The following DNAH11 variants were observed in gnomAD, a reference collection of about 807,000 sequenced individuals.
DNAH11 encodes axonemal beta dynein heavy chain 11.
DNAH11 carries 442 observed loss-of-function variants against 526.0 expected under a neutral mutation model. That is an observed-to-expected ratio of 0.84 (90% CI 0.78 to 0.91). The LOEUF is 0.91. DNAH11 is among the 40% of genes least tolerant of loss of function. The pLI, the probability that DNAH11 is intolerant of heterozygous loss-of-function variation, is 0.00. For missense variants in DNAH11, 6,989 were observed against 5,448.7 expected (o/e 1.28, Z -8.90); for synonymous variants, 2,461 against 1,935.9 (o/e 1.27, Z -7.12).
Position 21,572,948 on chromosome 7 carries a change from T to C in DNAH11, c.1593+975T>C, listed in dbSNP as rs947514647. Reference sequence around the variant, plus strand: ...TGCCTGGCACTTGGAAGGCATTCAATAAATACGTACAGAATGGGATTCTTA... The same window carrying C: ...TGCCTGGCACTTGGAAGGCATTCAACAAATACGTACAGAATGGGATTCTTA... On this transcript the variant is annotated intron_variant, in intron 8 of 81. Coordinates refer to ENST00000409508, the MANE Select transcript of DNAH11 (RefSeq NM_001277115.2). Among the ~76,000 whole-genome samples the C allele has an allele frequency of 2.6e-5, 4 of 152,174 alleles. No individual in the cohort carries two copies. The South Asian group carries it at 6.2e-4, about 24-fold the overall frequency.
chr7:21,639,861 T>C (rs1370661651), intron 28 of DNAH11, among the ~76,000 whole-genome samples: 1 of 147,836 alleles, frequency 6.8e-6, no homozygotes, highest in Non-Finnish European at 1.5e-5. Context: ...TGTGGAGTTT[T>C]CTCCATGTTT....
At position 21,698,528 on chromosome 7, in the gene DNAH11, C is replaced by G. The variant is rs144341897; in HGVS notation, c.6180+315C>G. The stretch of plus-strand genomic sequence containing the variant: ...TATATCATTCTTATGCCTTTGCATC[C>G]TCATAGCTTAGCTCCCACTTATAAG... On this transcript the variant is annotated intron_variant, in intron 36 of 81. Coordinates refer to ENST00000409508, the MANE Select transcript of DNAH11 (RefSeq NM_001277115.2). Among the ~76,000 whole-genome samples the G allele has an allele frequency of 5.1e-3, 769 of 152,228 alleles. 5 individuals carry two copies. The highest frequency in any genetic ancestry group is 0.018 in the African/African-American group (729 of 41,544).
Position 21,590,431 on chromosome 7 carries a change from G to C in DNAH11, c.2170-487G>C, listed in dbSNP as rs115134658. On this transcript the variant is annotated intron_variant, in intron 12 of 81. Coordinates refer to ENST00000409508, the MANE Select transcript of DNAH11 (RefSeq NM_001277115.2). The stretch of plus-strand genomic sequence containing the variant: ...CCTTAAACATCTAGCTGAATTTTTA[G>C]GGGATGAAGATTATACATTCACTAT... 8.5e-3 allele frequency among the ~76,000 whole-genome samples: 1,292 copies of C among 152,230 alleles called. 13 individuals are homozygous for C. The highest frequency in any genetic ancestry group is 0.029 in the African/African-American group (1,194 of 41,538).
intron 5 of DNAH11, among the ~76,000 whole-genome samples, chr7:21,562,238 C>T (rs1459091385): frequency 6.6e-6 from 1 of 152,138 alleles, no homozygotes; most frequent in Non-Finnish European, 1.5e-5. Context: ...GGCCATCTTA[C>T]ATATTGTAGG....
At chr7:21,862,549 A>T (rs942066419) in intron 69 of DNAH11, among the ~76,000 whole-genome samples, 1 of 152,214 alleles carries the variant, frequency 6.6e-6, no homozygotes, top group Non-Finnish European at 1.5e-5. Context: ...TAAGTATGTG[A>T]GGAGATGGAT....
intron 28 of DNAH11, among the ~76,000 whole-genome samples, chr7:21,650,954 T>A (rs2030673): frequency 0.57 from 84,060 of 148,718 alleles, 23,908 homozygotes; most frequent in Admixed American, 0.68. Flanking sequence ...ACTGTTATTT[T>A]AAAAAAAAAA....
intron 5 of DNAH11, among the ~76,000 whole-genome samples, chr7:21,562,329 A>G (rs950375479): frequency 5.3e-5 from 8 of 152,170 alleles, no homozygotes; most frequent in African/African-American, 1.7e-4. Context: ...ACATGGCCAA[A>G]TGTCCCCTGG....
At chr7:21,738,538 G>T (rs1327775257) in intron 46 of DNAH11, among the ~76,000 whole-genome samples, 163 bp from the exon 47 acceptor site, 5 of 152,196 alleles carry the variant, frequency 3.3e-5, no homozygotes, top group African/African-American at 4.8e-5. Flanking sequence ...GACACAAAAG[G>T]AGGGGCCAGA....
intron 61 of DNAH11, among the ~76,000 whole-genome samples, chr7:21,791,037 C>T (rs1253979309): frequency 6.6e-6 from 1 of 152,134 alleles, no homozygotes; most frequent in Non-Finnish European, 1.5e-5. Flanking sequence ...TCAGCTCAGG[C>T]AGGAGCAGTC....
chr7:21,629,769 G>A (rs985855470), intron 25 of DNAH11, among the ~76,000 whole-genome samples: 3 of 151,860 alleles, frequency 2.0e-5, no homozygotes, highest in Non-Finnish European at 4.4e-5. Context: ...TAGTTGCATG[G>A]TATATCATTT....
chr7:21,649,236 A>G (rs1787512294), intron 28 of DNAH11, among the ~76,000 whole-genome samples: 1 of 152,208 alleles, frequency 6.6e-6, no homozygotes, highest in Non-Finnish European at 1.5e-5. Context: ...GTTTAACAGC[A>G]TTTTCTAAAT....
At position 21,717,778 on chromosome 7, in the gene DNAH11, T is replaced by C. The variant is rs761146773; in HGVS notation, c.6987T>C (p.Tyr2329=). The change falls in exon 43 of 82, where the codon TAT becomes TAC. Residue 2329 remains tyrosine (Y), a synonymous_variant. Coordinates refer to ENST00000409508, the MANE Select transcript of DNAH11 (RefSeq NM_001277115.2). Reference sequence around the variant, plus strand: ...GCTTTTCTGTGTTCCTTTTCAGGTATGTGGCCAGTTGGATAGACAGAAGGC... The same window carrying C: ...GCTTTTCTGTGTTCCTTTTCAGGTACGTGGCCAGTTGGATAGACAGAAGGC... The part of the protein sequence containing the change: ...VNPQDLGWNP[Y]VASWIDRRRH... 2.5e-6 allele frequency: 4 copies of C among 1,613,642 alleles called. No individual in the cohort carries two copies. Among genetic ancestry groups the C allele is most frequent in the African/African-American group, 1.3e-5 (1 of 74,908 alleles).
At chr7:21,815,829 G>T (rs967161435) in intron 63 of DNAH11, among the ~76,000 whole-genome samples, 1 of 152,036 alleles carries the variant, frequency 6.6e-6, no homozygotes, top group African/African-American at 2.4e-5. Flanking sequence ...TCTTTAAAAT[G>T]GATTGCTCTC....
At chr7:21,568,125 C>T (rs1032329856) in intron 6 of DNAH11, among the ~76,000 whole-genome samples, 3 of 152,258 alleles carry the variant, frequency 2.0e-5, no homozygotes, top group Non-Finnish European at 2.9e-5. Context: ...AGCAGGGAGA[C>T]GAGCCTCAAA....
chr7:21,757,475 T>C (rs1418489000), intron 54 of DNAH11, among the ~76,000 whole-genome samples: 1 of 152,206 alleles, frequency 6.6e-6, no homozygotes, highest in African/African-American at 2.4e-5. Flanking sequence ...ATTTCTATTA[T>C]TTTCTTTCCT....
chr7:21,600,780 GACCCACACTT>G lies in DNAH11; in HGVS notation c.3109_3118del (p.His1037SerfsTer10). 1 of 1,613,856 alleles carries G rather than the reference GACCCACACTT, an allele frequency of 6.2e-7. No individual in the cohort carries two copies. The highest frequency in any genetic ancestry group is 8.5e-7 in the Non-Finnish European group (1 of 1,179,828). ...TCTTAGATTTCAGAAACACCCTGGAGACCCACACTTACCTCTGGGTGGATGATCGAGCTGA... is the reference window on the plus strand; with the variant it reads ...TCTTAGATTTCAGAAACACCCTGGAGACCTCTGGGTGGATGATCGAGCTGA... On this transcript the variant is annotated frameshift_variant, in exon 16 of 82. Transcript: ENST00000409508. LOFTEE classifies it high-confidence loss of function.
In DNAH11 at chr7:21,581,985, T is replaced by A. The variant is rs558471451; in HGVS notation, c.1674T>A (p.Ala558=). The change falls in exon 9 of 82, where the codon GCT becomes GCA. Residue 558 remains alanine, a synonymous_variant. Coordinates refer to ENST00000409508, the MANE Select transcript of DNAH11 (RefSeq NM_001277115.2). The part of the protein sequence containing the change: ...DRRLGTIICE[A]FFNCNGLEAA... ...GGCTTGGGACAATTATTTGTGAAGC[T>A]TTCTTTAACTGCAATGGCTTAGAAG... is the stretch of plus-strand genomic sequence containing the variant. The A allele has an allele frequency of 4.3e-6, 7 of 1,613,214 alleles. No individual in the cohort carries two copies.
In DNAH11 at chr7:21,866,490, A is replaced by T; in HGVS notation, c.11517A>T (p.Glu3839Asp). 5 of 1,611,374 alleles carry T rather than the reference A, an allele frequency of 3.1e-6. No individual in the cohort carries two copies. Among genetic ancestry groups the T allele is most frequent in the Non-Finnish European group, 4.2e-6 (5 of 1,179,086 alleles). The change falls in exon 71 of 82, where the codon GAA becomes GAT. Residue 3839 changes from glutamate to aspartate, a missense_variant. By Grantham distance (45) the Glu-to-Asp change is conservative (BLOSUM62 2). Transcript: ENST00000409508. ...TACAGGCAATTGCCGTCATGGAAGA[A>T]TTTCGAGGCATAGACCGAGATGTGG... ...SAIKAIAVME[E>D]FRGIDRDVEG...
At chr7:21,579,539 G>C (rs1429016397) in intron 8 of DNAH11, among the ~76,000 whole-genome samples, 2 of 152,128 alleles carry the variant, frequency 1.3e-5, no homozygotes, top group Admixed American at 6.5e-5. Flanking sequence ...AAATGAAGCA[G>C]GTGAGAAGTG....
Sources: allele counts gnomAD v4.1 joint callset (sites outside exome capture counted in the v4.1 genomes callset), GRCh38; gene constraint gnomAD v4.1.1; transcripts MANE v1.5; gene names NCBI Gene and HGNC (gene_info 2026-07-23, HGNC 2026-07-21).